CELSR1: variants seen among roughly 807,000 people sequenced by gnomAD.
The protein encoded by CELSR1 is cadherin EGF LAG seven-pass G-type receptor 1, also known as adhesion G protein-coupled receptor C1.
In CELSR1, 110 loss-of-function variants were observed where a neutral mutation model predicts 249.1. The ratio of observed to expected loss-of-function variants is 0.44; its 90% CI spans 0.38 to 0.52. The LOEUF (loss-of-function observed/expected upper bound fraction) is 0.52, where lower values mean the gene tolerates loss of function less well. CELSR1 is among the 20% of genes least tolerant of loss of function. The pLI, the probability that CELSR1 is intolerant of heterozygous loss-of-function variation, is 0.00. For synonymous variants in CELSR1, 2,113 were observed against 1,900.0 expected (o/e 1.11, Z -2.92); for missense variants, 4,109 against 4,296.4 (o/e 0.96, Z 1.22).
rs781297417 is a variant in CELSR1 at position 46,535,867 on chromosome 22, T to C, written c.1304A>G (p.Asn435Ser). 6.1e-5 allele frequency: 98 copies of C among 1,610,660 alleles called. No individual in the cohort carries two copies. The highest frequency in any genetic ancestry group is 1.6e-4 in the Middle Eastern group (1 of 6,084). ...LLVEANDQGRNPGPLSATATV... is the reference protein window; with the variant it reads ...LLVEANDQGRSPGPLSATATV... Reference sequence around the variant, plus strand: ...GGCCGTGGCACTGAGCGGGCCCGGATTGCGCCCCTGGTCGTTGGCCTCCAC... The same window carrying C: ...GGCCGTGGCACTGAGCGGGCCCGGACTGCGCCCCTGGTCGTTGGCCTCCAC... Residue 435 changes from asparagine (N) to serine (S), a missense_variant, in exon 1 of 35, where the codon AAT becomes AGT. Physicochemically the swap from Asn to Ser is conservative, Grantham distance 46. Around this residue, in one of 7 missense-constraint regions of CELSR1, gnomAD observed 673 missense variants for 636.8 expected, o/e 1.06. Coordinates refer to ENST00000674500, the MANE Select transcript of CELSR1 (RefSeq NM_001378328.1).
At chr22:46,524,251 A>C (rs2080714914) in intron 1 of CELSR1, among the ~76,000 whole-genome samples, 1 of 152,148 alleles carries the variant, frequency 6.6e-6, no homozygotes, top group Admixed American at 6.5e-5. Context: ...CTGAACAGGC[A>C]CCGCGGTGGT....
At chr22:46,450,074 A>T (rs2079866259) in intron 2 of CELSR1, among the ~76,000 whole-genome samples, 1 of 152,130 alleles carries the variant, frequency 6.6e-6, no homozygotes, top group Admixed American at 6.5e-5. Flanking sequence ...GTCCCACACC[A>T]GCAAGGCCCC....
chr22:46,524,377 C>G (rs1268898122), intron 1 of CELSR1, among the ~76,000 whole-genome samples: 1 of 152,180 alleles, frequency 6.6e-6, no homozygotes, highest in Non-Finnish European at 1.5e-5. Flanking sequence ...GCTTGGGACA[C>G]GCGTAAGCCT....
intron 11 of CELSR1, 82 bp from the exon 12 acceptor site, chr22:46,397,930 C>T (rs2079168922): frequency 2.5e-6 from 3 of 1,187,752 alleles, no homozygotes; most frequent in Non-Finnish European, 3.4e-6. Flanking sequence ...CCTCTCTGGT[C>T]CCTTGCGAGG....
chr22:46,408,537 G>A lies in CELSR1; in HGVS notation c.5226+459C>T, dbSNP rs1287756398. Among the ~76,000 whole-genome samples the A allele has an allele frequency of 6.6e-6, 1 of 152,202 alleles. No individual in the cohort carries two copies. Among genetic ancestry groups the A allele is most frequent in the Non-Finnish European group, 1.5e-5 (1 of 68,044 alleles). ...TTTAGTAGAGATGGGGTTTCACCATGTTGGCCAGGCTGGTCTCGAACTTCT... is the reference window on the plus strand; with the variant it reads ...TTTAGTAGAGATGGGGTTTCACCATATTGGCCAGGCTGGTCTCGAACTTCT... On this transcript the variant is annotated intron_variant, in intron 9 of 34. Transcript: ENST00000674500. The surrounding 1 kb of genome is among the most constrained non-coding windows in gnomAD (Gnocchi z 4.6).
rs916474508 is a variant in CELSR1 at position 46,517,997 on chromosome 22, C to A, written c.3544+15630G>T. Reference sequence around the variant, plus strand: ...GGCTCACTGCAACCTCTGCCTCCTGCGTTCAAGTGATTCTCCTGCCTCAGC... The same window carrying A: ...GGCTCACTGCAACCTCTGCCTCCTGAGTTCAAGTGATTCTCCTGCCTCAGC... On this transcript the variant is annotated intron_variant, in intron 1 of 34. Coordinates refer to ENST00000674500, the MANE Select transcript of CELSR1 (RefSeq NM_001378328.1). This position sits in a 1 kb window ranked among gnomAD's most constrained non-coding sequence, Gnocchi z 5.4. 6.6e-6 allele frequency among the ~76,000 whole-genome samples: 1 copy of A among 151,394 alleles called. No homozygotes were observed. The highest frequency in any genetic ancestry group is 1.5e-5 in the Non-Finnish European group (1 of 67,942).
At chr22:46,443,011 T>C (rs1344621940) in intron 2 of CELSR1, among the ~76,000 whole-genome samples, 1 of 150,072 alleles carries the variant, frequency 6.7e-6, no homozygotes, top group Non-Finnish European at 1.5e-5. Context: ...GGCAGGAGAA[T>C]GGCGTGAACG....
rs1306121780 is a variant in CELSR1 at position 46,534,396 on chromosome 22, C to T, written c.2775G>A (p.Gly925=). The T allele has an allele frequency of 1.9e-6, 3 of 1,612,900 alleles. No individual in the cohort carries two copies. The highest frequency in any genetic ancestry group is 2.5e-6 in the Non-Finnish European group (3 of 1,180,032). The change falls in exon 1 of 35, where the codon GGG becomes GGA. Residue 925 remains glycine (G), a synonymous_variant. Coordinates refer to ENST00000674500, the MANE Select transcript of CELSR1 (RefSeq NM_001378328.1). This position sits in a 1 kb window ranked among gnomAD's most constrained non-coding sequence, Gnocchi z 9.7. The stretch of plus-strand genomic sequence containing the variant: ...CACCCTGGAAGGTGTACAGCAGACG[C>T]CCATTGGGACCTGAGTCCCGGTCCG... ...SATDRDSGPN[G]RLLYTFQGGD... is the part of the protein sequence containing the mutation.
chr22:46,378,517 G>T (rs1602045173), intron 23 of CELSR1, 74 bp downstream of exon 23: 3 of 1,498,510 alleles, frequency 2.0e-6, no homozygotes, highest in Non-Finnish European at 2.7e-6. Context: ...TTGGCGGGGA[G>T]GTGCAGGTTT....
rs755999344 is a variant in CELSR1, at chr22:46,534,076, G to C, written c.3095C>G (p.Ala1032Gly). 1 of 1,613,748 alleles carries C rather than the reference G, an allele frequency of 6.2e-7. No homozygotes were observed. The highest frequency in any genetic ancestry group is 1.1e-5 in the South Asian group (1 of 91,078). The change falls in exon 1 of 35, where the codon GCC becomes GGC. Residue 1032 changes from alanine (A) to glycine (G), a missense_variant. Physicochemically the swap from Ala to Gly is moderately conservative, Grantham distance 60. Around this residue, in one of 7 missense-constraint regions of CELSR1, gnomAD observed 886 missense variants for 896.5 expected, o/e 0.99. Coordinates refer to ENST00000674500, the MANE Select transcript of CELSR1 (RefSeq NM_001378328.1). This position sits in a 1 kb window ranked among gnomAD's most constrained non-coding sequence, Gnocchi z 9.7. ...TTCCACAATCTGATACATGATCTGGGCATTAGGGCCTTCATCAGGGTCGTT... is the reference window on the plus strand; with the variant it reads ...TTCCACAATCTGATACATGATCTGGCCATTAGGGCCTTCATCAGGGTCGTT... Reference protein sequence around the residue: ...RANDPDEGPNAQIMYQIVEGD... With the variant: ...RANDPDEGPNGQIMYQIVEGD...
In CELSR1 at chr22:46,433,187, C is replaced by T. The variant is rs775542654; in HGVS notation, c.4611+206G>A. 7.2e-5 allele frequency among the ~76,000 whole-genome samples: 11 copies of T among 152,080 alleles called. No homozygotes were observed. Among genetic ancestry groups the T allele is most frequent in the African/African-American group, 2.4e-4 (10 of 41,392 alleles). ...GATTACAGGCACCCGCCACCACGCC[C>T]GGCTAATTTTTTAATTTTTGTATTT... On this transcript the variant is annotated intron_variant, in intron 5 of 34. Coordinates refer to ENST00000674500, the MANE Select transcript of CELSR1 (RefSeq NM_001378328.1). This position sits in a 1 kb window ranked among gnomAD's most constrained non-coding sequence, Gnocchi z 5.7.
At chr22:46,486,086 C>T (rs1044663911) in intron 1 of CELSR1, among the ~76,000 whole-genome samples, 2 of 151,574 alleles carry the variant, frequency 1.3e-5, no homozygotes, top group Admixed American at 6.6e-5. Flanking sequence ...TACAGGAGCC[C>T]GCCACCTTGC....
intron 17 of CELSR1, 72 bp from the exon 18 acceptor site, chr22:46,389,571 A>G: frequency 2.1e-6 from 3 of 1,438,552 alleles, no homozygotes; most frequent in Non-Finnish European, 2.9e-6. Flanking sequence ...GTTACTCAGC[A>G]ACTCACTACT....
In CELSR1 at chr22:46,369,124, C is replaced by T. The variant is rs530911668; in HGVS notation, c.7952+55G>A. 82 of 1,565,918 alleles carry T rather than the reference C, an allele frequency of 5.2e-5. No homozygotes were observed. The African/African-American group carries it at 6.5e-4, about 12-fold the overall frequency. ...GCCCCACCCCGCAGAGACTGGACGT[C>T]GGGGTCTCAGGGCCCAGCCGACATG... On this transcript the variant is annotated intron_variant, in intron 27 of 34. Coordinates refer to ENST00000674500, the MANE Select transcript of CELSR1 (RefSeq NM_001378328.1).
At chr22:46,439,107 G>C in intron 3 of CELSR1, 82 bp downstream of exon 3, 8 of 1,325,236 alleles carry the variant, frequency 6.0e-6, no homozygotes, top group Non-Finnish European at 8.5e-6. Flanking sequence ...TCAACGTCAC[G>C]ATCTAGAGGG....
rs774751216 is a variant in CELSR1, at chr22:46,389,478, C to G, written c.6367G>C (p.Glu2123Gln). The change falls in exon 18 of 35, where the codon GAG becomes CAG. Residue 2123 changes from glutamate to glutamine, a missense_variant. By Grantham distance (29) the Glu-to-Gln change is conservative. Coordinates refer to ENST00000674500, the MANE Select transcript of CELSR1 (RefSeq NM_001378328.1). ...GCCCTGGCGCCGTCCACCTGCGTCTCATTGCGGCTCAGCTTCTCATTCTGG... is the reference window on the plus strand; with the variant it reads ...GCCCTGGCGCCGTCCACCTGCGTCTGATTGCGGCTCAGCTTCTCATTCTGG... ...RAMNEKLSRN[E>Q]TQVDGARALQ... 6.8e-6 allele frequency: 11 copies of G among 1,613,212 alleles called. 1 individual carries two copies. Among genetic ancestry groups the G allele is most frequent in the Non-Finnish European group, 9.3e-6 (11 of 1,180,028 alleles).
chr22:46,446,314 C>G lies in CELSR1; in HGVS notation c.4184-6903G>C, dbSNP rs973777225. On this transcript the variant is annotated intron_variant, in intron 2 of 34. Transcript: ENST00000674500. The surrounding 1 kb of genome is among the most constrained non-coding windows in gnomAD (Gnocchi z 5.5). ...CGCATCCCCTGGCTGTACCTGTCCT[C>G]TGCCTCGAGCACTCTCCCTCTGGGG... Among the ~76,000 whole-genome samples, 6 of 152,232 alleles carry G rather than the reference C, an allele frequency of 3.9e-5. No homozygotes were observed. Among genetic ancestry groups the G allele is most frequent in the Non-Finnish European group, 8.8e-5 (6 of 68,052 alleles).
intron 24 of CELSR1, among the ~76,000 whole-genome samples, chr22:46,376,428 G>A (rs1317849381): frequency 6.6e-6 from 1 of 152,196 alleles, no homozygotes; most frequent in Non-Finnish European, 1.5e-5. Context: ...AGGCTGGAGT[G>A]CAGTGGCTCC....
At chr22:46,439,633 G>A (rs2079717911) in intron 2 of CELSR1, among the ~76,000 whole-genome samples, 2 of 152,088 alleles carry the variant, frequency 1.3e-5, no homozygotes, top group African/African-American at 4.8e-5. Flanking sequence ...CTCCTGGTGG[G>A]CAAACTAAGG....
Sources: allele counts gnomAD v4.1 joint callset (sites outside exome capture counted in the v4.1 genomes callset), GRCh38; gene constraint gnomAD v4.1.1; regional missense constraint gnomAD v4.1.1; non-coding constraint Gnocchi (gnomAD v3.1); transcripts MANE v1.5; gene names NCBI Gene and HGNC (gene_info 2026-07-23, HGNC 2026-07-21).